TRPM7: variants seen among roughly 807,000 people sequenced by gnomAD.
The protein encoded by TRPM7 is LTRPC ion channel family member 7.
Under a neutral mutation model 229.7 loss-of-function variants are expected in TRPM7, and 134 were observed. That is an observed-to-expected ratio of 0.58 (90% CI 0.51 to 0.67). The LOEUF (loss-of-function observed/expected upper bound fraction) is 0.67. Ranked by LOEUF, TRPM7 falls within the 30% of genes least tolerant of loss-of-function variation. The pLI is 0.00. For synonymous variants in TRPM7, 699 were observed against 715.2 expected (o/e 0.98, Z 0.36); for missense variants, 1,901 against 2,210.0 (o/e 0.86, Z 2.80).
intron 31 of TRPM7, among the ~76,000 whole-genome samples, chr15:50,577,846 T>A (rs1304844334): frequency 6.6e-6 from 1 of 152,192 alleles, no homozygotes; most frequent in Non-Finnish European, 1.5e-5. Flanking sequence ...GTAAATTCAA[T>A]ATATTTACAT....
chr15:50,574,747 T>C, intron 34 of TRPM7, 28 bp from the exon 35 acceptor site: 2 of 1,597,024 alleles, frequency 1.3e-6, no homozygotes, highest in Non-Finnish European at 1.7e-6. Flanking sequence ...GGGAGAACCC[T>C]TGTTTAATAT....
At chr15:50,565,992 T>G (rs1481115491) in intron 38 of TRPM7, among the ~76,000 whole-genome samples, 2 of 151,996 alleles carry the variant, frequency 1.3e-5, no homozygotes, top group East Asian at 3.9e-4. Context: ...CCCAGCTAAT[T>G]TTTGTATTTT....
intron 11 of TRPM7, among the ~76,000 whole-genome samples, chr15:50,626,230 TTC>T (rs1212526757): frequency 6.6e-6 from 1 of 152,148 alleles, no homozygotes; most frequent in Non-Finnish European, 1.5e-5. Context: ...AAATCATTTT[TTC>T]TGTCTTATTA....
chr15:50,679,228 G>C (rs1374588347), intron 1 of TRPM7, among the ~76,000 whole-genome samples: 2 of 151,310 alleles, frequency 1.3e-5, no homozygotes, highest in East Asian at 1.9e-4. Context: ...TTAGGTACTT[G>C]GGAGGCTGAA....
At chr15:50,667,561 G>T (rs1343628688) in intron 1 of TRPM7, among the ~76,000 whole-genome samples, 1 of 152,102 alleles carries the variant, frequency 6.6e-6, no homozygotes, top group Non-Finnish European at 1.5e-5. Flanking sequence ...CAAAAAATTA[G>T]CTGGGAATGG....
chr15:50,683,873 A>C (rs949902752), intron 1 of TRPM7, among the ~76,000 whole-genome samples: 1 of 152,080 alleles, frequency 6.6e-6, no homozygotes, highest in African/African-American at 2.4e-5. Context: ...GAATCTGATC[A>C]AGTCTTTTTT....
At chr15:50,672,434 T>C (rs886473619) in intron 1 of TRPM7, among the ~76,000 whole-genome samples, 2 of 151,790 alleles carry the variant, frequency 1.3e-5, no homozygotes. Context: ...GGCACTGTTA[T>C]CATAGAAAAT....
Position 50,578,445 on chromosome 15 carries a change from C to G in TRPM7, c.4618+194G>C, listed in dbSNP as rs113920947. ...GGAAGTGTGACAGTAAAGATATCATCATTCACAGGGTGATTCGTGTGTTTG... is the reference window on the plus strand; with the variant it reads ...GGAAGTGTGACAGTAAAGATATCATGATTCACAGGGTGATTCGTGTGTTTG... On this transcript the variant is annotated intron_variant, in intron 31 of 38. Transcript: ENST00000646667. 1.6e-3 allele frequency: 639 copies of G among 405,000 alleles called. 3 individuals are homozygous for G. Among genetic ancestry groups the G allele is most frequent in the African/African-American group, 0.012 (588 of 49,018 alleles). 25.1% of individuals were successfully genotyped at this position (405,000 alleles called of 1,614,324 possible).
intron 29 of TRPM7, among the ~76,000 whole-genome samples, chr15:50,582,740 G>T (rs889233836): frequency 6.6e-6 from 1 of 152,182 alleles, no homozygotes. Context: ...TTATAAAGGA[G>T]TAATTTTTCT....
rs1044000678 is a variant in TRPM7, at chr15:50,561,513, A to G, written c.*165T>C. On this transcript the variant is annotated 3_prime_UTR_variant, in exon 39 of 39. Transcript: ENST00000646667. ...CTATCCTATAGGGACTTTCTGACTG[A>G]TTAATCAGGTCAAAAGAATATTGAC... The G allele has an allele frequency of 3.5e-5, 24 of 676,538 alleles. No individual in the cohort carries two copies. The highest frequency in any genetic ancestry group is 5.7e-5 in the Non-Finnish European group (24 of 422,614). The allele number at this position is 676,538 out of a possible 1,614,324, so 41.9% of individuals were successfully genotyped here.
At chr15:50,576,539 C>G (rs917000266) in intron 31 of TRPM7, among the ~76,000 whole-genome samples, 1 of 152,136 alleles carries the variant, frequency 6.6e-6, no homozygotes, top group Non-Finnish European at 1.5e-5. Flanking sequence ...TGTGCACATA[C>G]TGTACGACTA....
At chr15:50,684,534 G>A (rs1348322663) in intron 1 of TRPM7, among the ~76,000 whole-genome samples, 1 of 151,906 alleles carries the variant, frequency 6.6e-6, no homozygotes, top group Non-Finnish European at 1.5e-5. Flanking sequence ...CCAGCTACTC[G>A]GGAGGCTGAG....
At chr15:50,621,169 A>AAC (rs2060393008) in intron 12 of TRPM7, among the ~76,000 whole-genome samples, 1 of 151,424 alleles carries the variant, frequency 6.6e-6, no homozygotes, top group African/African-American at 2.4e-5. Context: ...AAAAAAAAAA[A>AAC]AAAAAAAAAA....
rs375413320 is a variant in TRPM7, at chr15:50,624,327, A to G, written c.1306-27T>C. The G allele has an allele frequency of 5.9e-6, 9 of 1,531,062 alleles. No homozygotes were observed. The African/African-American group carries it at 7.0e-5, about 12-fold the overall frequency. The allele number at this position is 1,531,062 out of a possible 1,614,324, so 94.8% of individuals were successfully genotyped here. On this transcript the variant is annotated intron_variant, in intron 11 of 38. Transcript: ENST00000646667. ...TAGGAGTATCAAATTTAATAAATACATATTTCACATATTCTAATTATACAA... is the reference window on the plus strand; with the variant it reads ...TAGGAGTATCAAATTTAATAAATACGTATTTCACATATTCTAATTATACAA...
chr15:50,618,397 CG>C, intron 13 of TRPM7, among the ~76,000 whole-genome samples: 1 of 151,914 alleles, frequency 6.6e-6, no homozygotes, highest in East Asian at 1.9e-4. Flanking sequence ...GGTGAAACCC[CG>C]TCTCTACTAA....
intron 38 of TRPM7, among the ~76,000 whole-genome samples, chr15:50,564,382 C>T (rs1011106160): frequency 3.3e-5 from 5 of 151,546 alleles, no homozygotes; most frequent in Non-Finnish European, 5.9e-5. Flanking sequence ...AGTCTTCAGA[C>T]AGATTTGCTA....
At chr15:50,659,803 G>A (rs966230081) in intron 2 of TRPM7, among the ~76,000 whole-genome samples, 1 of 151,996 alleles carries the variant, frequency 6.6e-6, no homozygotes, top group South Asian at 2.1e-4. Flanking sequence ...AAGTAGCTGG[G>A]ATTACAAGTG....
rs1417061457 is a variant in TRPM7 at position 50,560,668 on chromosome 15, A to ATAAG, written c.*1009_*1010insCTTA. 2 of 152,660 alleles carry ATAAG rather than the reference A, an allele frequency of 1.3e-5. No individual in the cohort carries two copies. The highest frequency in any genetic ancestry group is 2.9e-5 in the Non-Finnish European group (2 of 68,034). The allele number at this position is 152,660 out of a possible 1,614,324, so 9.5% of individuals were successfully genotyped here. ...GCATAAGGTTGCACTGCAATCTGCC[A>ATAAG]GTATCACATAATGATAATCCAACTG... On this transcript the variant is annotated 3_prime_UTR_variant, in exon 39 of 39. Transcript: ENST00000646667.
rs998274999 is a variant in TRPM7 at position 50,558,806 on chromosome 15, T to C, written c.*2872A>G. ...TAATCAAGAGGCAGTGGCAGGAGGA[T>C]TGCTTGAGCCCAGGAGTTTACGGCT... is the stretch of plus-strand genomic sequence containing the variant. On this transcript the variant is annotated 3_prime_UTR_variant, in exon 39 of 39. Coordinates refer to ENST00000646667, the MANE Select transcript of TRPM7 (RefSeq NM_017672.6). 6.6e-6 allele frequency: 1 copy of C among 152,046 alleles called. No homozygotes were observed. The highest frequency in any genetic ancestry group is 2.4e-5 in the African/African-American group (1 of 41,392). The allele number at this position is 152,046 out of a possible 1,614,324, so 9.4% of individuals were successfully genotyped here. A position where few individuals can be genotyped will look rare whatever the true frequency, so the allele number is the denominator to read the frequency against.
Sources: gnomAD v4.1 joint callset for allele counts (sites outside exome capture counted in the v4.1 genomes callset) on GRCh38, gnomAD v4.1.1 for gene constraint, MANE v1.5 for transcripts, NCBI Gene and HGNC (gene_info 2026-07-23, HGNC 2026-07-21) for gene names.